The following NRP2 variants were observed in gnomAD, a reference collection of about 807,000 sequenced individuals.
The protein encoded by NRP2 is neuropilin 2, also known as neuropilin-2.
A neutral mutation model predicts 110.4 loss-of-function variants in NRP2; 52 were observed. That is an observed-to-expected ratio of 0.47 (90% CI 0.38 to 0.59). The LOEUF (loss-of-function observed/expected upper bound fraction) is 0.59, where lower values mean the gene tolerates loss of function less well. Among genes scored for constraint, NRP2 ranks in the 20% least tolerant of loss-of-function variants. NRP2 has a pLI of 0.00. For missense variants in NRP2, 1,049 were observed against 1,203.0 expected, an observed-to-expected ratio of 0.87 and a Z score of 1.89; for synonymous variants, 508 against 468.9, an observed-to-expected ratio of 1.08 and a Z score of -1.08.
At chr2:205,702,129 T>C (rs1010973346) in intron 2 of NRP2, among the ~76,000 whole-genome samples, 1 of 152,266 alleles carries the variant, frequency 6.6e-6, no homozygotes, top group African/African-American at 2.4e-5. Flanking sequence ...GTTAGCATCA[T>C]TGGACTTTGT....
At chr2:205,738,076 A>C (rs978172990) in intron 7 of NRP2, among the ~76,000 whole-genome samples, 1 of 152,272 alleles carries the variant, frequency 6.6e-6, no homozygotes, top group Non-Finnish European at 1.5e-5. Flanking sequence ...CAGGGGTCGG[A>C]TAAGATAAAA....
rs771959164 is a variant in NRP2, at chr2:205,763,965, A to G, written c.2307+29A>G. ...GGGTGAGCAAAAAGGGAATCTTGTG[A>G]TCCGTATTTCAATATTTCAAGGGCC... On this transcript the variant is annotated intron_variant, in intron 13 of 16. Transcript: ENST00000357785. The surrounding 1 kb of genome is among the most constrained non-coding windows in gnomAD (Gnocchi z 4.0). The G allele has an allele frequency of 6.8e-6, 11 of 1,613,170 alleles. No homozygotes were observed. Among genetic ancestry groups the G allele is most frequent in the Non-Finnish European group, 9.3e-6 (11 of 1,179,574 alleles).
At chr2:205,789,155 G>A (rs1314418065) in intron 15 of NRP2, among the ~76,000 whole-genome samples, 2 of 152,164 alleles carry the variant, frequency 1.3e-5, no homozygotes, top group Non-Finnish European at 2.9e-5. Context: ...TTAGAAGGGG[G>A]CAGTAGGGAT....
chr2:205,727,399 G>T (rs1418296707), intron 6 of NRP2, among the ~76,000 whole-genome samples: 1 of 152,214 alleles, frequency 6.6e-6, no homozygotes, highest in Non-Finnish European at 1.5e-5. Context: ...ACCCCTTAGT[G>T]ACCTGAGCAA....
chr2:205,782,102 C>G (rs999510081), intron 15 of NRP2, among the ~76,000 whole-genome samples: 2 of 152,140 alleles, frequency 1.3e-5, no homozygotes, highest in Non-Finnish European at 2.9e-5. Flanking sequence ...AGTGGAGAAT[C>G]TAGGTGCTTC....
chr2:205,767,300 G>A, intron 15 of NRP2: 1 of 440,642 alleles, frequency 2.3e-6, no homozygotes, highest in Non-Finnish European at 4.5e-6. Flanking sequence ...CCTGCAGTCA[G>A]TACCTGCAGT....
At chr2:205,706,297 G>A (rs1018195618) in intron 2 of NRP2, among the ~76,000 whole-genome samples, 3 of 152,084 alleles carry the variant, frequency 2.0e-5, no homozygotes, top group Non-Finnish European at 4.4e-5. Context: ...CTGTCAGGAC[G>A]AAGCCAGACA....
rs145169333 is a variant in NRP2 at position 205,683,345 on chromosome 2, C to G, written c.55C>G (p.Gln19Glu). 77 of 1,613,364 alleles carry G rather than the reference C, an allele frequency of 4.8e-5. No individual in the cohort carries two copies. The Middle Eastern group carries it at 1.6e-3, about 34-fold the overall frequency. ...CTTAGCCCTCTACTTTTCAAGACAC[C>G]AAGTGAGAGGCCAACCAGGTAAGCC... ...VFLALYFSRH[Q>E]VRGQPDPPCG... The change falls in exon 1 of 17, where the codon CAA becomes GAA. Residue 19 changes from glutamine to glutamate, a missense_variant. Gln to Glu is a conservative substitution (Grantham distance 29). Transcript: ENST00000357785.
intron 7 of NRP2, among the ~76,000 whole-genome samples, chr2:205,737,408 T>C (rs2057364869): frequency 6.6e-6 from 1 of 152,164 alleles, no homozygotes; most frequent in East Asian, 1.9e-4. Flanking sequence ...ATCCCCTCAT[T>C]TAACAGAGGA....
At chr2:205,722,761 G>T in intron 4 of NRP2, 53 bp downstream of exon 4, 2 of 1,435,530 alleles carry the variant, frequency 1.4e-6, no homozygotes, top group South Asian at 1.2e-5. Context: ...CCTGTTAATT[G>T]CTTTAGTGAT....
At position 205,776,655 on chromosome 2, in the gene NRP2, C is replaced by A. The variant is rs2058106035; in HGVS notation, c.2425+9852C>A. 7.0e-6 allele frequency: 11 copies of A among 1,566,312 alleles called. No homozygotes were observed. The South Asian group carries it at 9.2e-5, about 13-fold the overall frequency. On this transcript the variant is annotated intron_variant, in intron 15 of 16. Coordinates refer to ENST00000357785, the MANE Select transcript of NRP2 (RefSeq NM_003872.3). ...AGACATCTCTTTCCCGGATCCCCAA[C>A]CCTGAGCACTCTTATCAATCCCAAC...
At chr2:205,738,314 G>GC in intron 7 of NRP2, among the ~76,000 whole-genome samples, 1 of 151,968 alleles carries the variant, frequency 6.6e-6, no homozygotes, top group African/African-American at 2.4e-5. Flanking sequence ...GCCAGTGGAG[G>GC]CCCCCCTGCT....
intron 3 of NRP2, among the ~76,000 whole-genome samples, chr2:205,721,784 T>C (rs1270189110): frequency 6.6e-6 from 1 of 152,256 alleles, no homozygotes; most frequent in African/African-American, 2.4e-5. Context: ...TCCAAACTTG[T>C]TGCCGGAGCG....
chr2:205,745,375 C>T (rs564307309), intron 9 of NRP2, among the ~76,000 whole-genome samples: 40 of 152,252 alleles, frequency 2.6e-4, no homozygotes, highest in Middle Eastern at 3.4e-3. Flanking sequence ...GAATTCAGAA[C>T]GGTCAAAGAT....
intron 7 of NRP2, among the ~76,000 whole-genome samples, chr2:205,732,061 T>C (rs1324207495): frequency 6.6e-6 from 1 of 152,192 alleles, no homozygotes; most frequent in South Asian, 2.1e-4. Context: ...GCCCTAGGCC[T>C]TACTCTTCAT....
Position 205,743,266 on chromosome 2 carries a change from C to T in NRP2, c.1355C>T (p.Ala452Val). ...SGLIADSQIS[A>V]SSTQEYLWSP... ...CTCATTGCAGACTCCCAGATCTCCGCCTCTTCCACCCAGGAATACCTCTGG... is the reference window on the plus strand; with the variant it reads ...CTCATTGCAGACTCCCAGATCTCCGTCTCTTCCACCCAGGAATACCTCTGG... Residue 452 changes from alanine (A) to valine (V), a missense_variant, in exon 9 of 17, where the codon GCC (alanine) becomes GTC (valine). Physicochemically the swap from Ala to Val is moderately conservative, Grantham distance 64. Transcript: ENST00000357785. The T allele has an allele frequency of 6.2e-7, 1 of 1,614,172 alleles. No homozygotes were observed. Among genetic ancestry groups the T allele is most frequent in the Non-Finnish European group, 8.5e-7 (1 of 1,180,034 alleles).
intron 2 of NRP2, among the ~76,000 whole-genome samples, chr2:205,707,306 C>T (rs1196872469): frequency 6.6e-6 from 1 of 152,242 alleles, no homozygotes; most frequent in Non-Finnish European, 1.5e-5. Context: ...AGCTGACTGG[C>T]CCCTGAGTGC....
At chr2:205,768,989 C>T (rs1389785900) in intron 15 of NRP2, among the ~76,000 whole-genome samples, 1 of 152,176 alleles carries the variant, frequency 6.6e-6, no homozygotes, top group African/African-American at 2.4e-5. Flanking sequence ...ACCTGTTTGA[C>T]CACAGCATGC....
At position 205,689,609 on chromosome 2, in the gene NRP2, TG is replaced by T. The variant is rs1195973343; in HGVS notation, c.73+6247del. On this transcript the variant is annotated intron_variant, in intron 1 of 16. Transcript: ENST00000357785. The stretch of plus-strand genomic sequence containing the variant: ...GTAAGCACCATATTATCTCTCGCCA[TG>T]CTCTTCTTCAGAGAATATTCTCTGC... Among the ~76,000 whole-genome samples, 7 of 152,364 alleles carry T rather than the reference TG, an allele frequency of 4.6e-5. No homozygotes were observed. In the East Asian group the frequency reaches 1.3e-3, roughly 29 times the overall value.
Sources: gnomAD v4.1 joint callset for allele counts (sites outside exome capture counted in the v4.1 genomes callset) on GRCh38, gnomAD v4.1.1 for gene constraint, Gnocchi (gnomAD v3.1) non-coding constraint, MANE v1.5 for transcripts, NCBI Gene and HGNC (gene_info 2026-07-23, HGNC 2026-07-21) for gene names.